The following FBXW11 variants were observed in gnomAD, a reference collection of about 807,000 sequenced individuals.
FBXW11 encodes F-box and WD repeat domain containing 11.
In FBXW11, 19 loss-of-function variants were observed where a neutral mutation model predicts 77.6. The observed-to-expected ratio is 0.24, with a 90% CI of 0.17 to 0.36. The LOEUF (loss-of-function observed/expected upper bound fraction) is 0.36. Among genes scored for constraint, FBXW11 ranks in the 10% least tolerant of loss-of-function variants. The probability of loss-of-function intolerance (pLI) is 1.00; values close to 1 mark genes in which losing one functional copy is unlikely to be tolerated. For synonymous variants in FBXW11, 235 were observed against 249.4 expected, an observed-to-expected ratio of 0.94 and a Z score of 0.54; for missense variants, 334 against 704.2, an observed-to-expected ratio of 0.47 and a Z score of 5.95.
rs576600848 is a variant in FBXW11, at chr5:171,965,967, G to A, written c.46-8269C>T. Among the ~76,000 whole-genome samples, 5 of 152,176 alleles carry A rather than the reference G, an allele frequency of 3.3e-5. No individual in the cohort carries two copies. The East Asian group carries it at 9.7e-4, about 29-fold the overall frequency. ...GAATCTCATTGTTTGAACATGTGTGGAACTTCCCCCTTCTCACCCTCTCTC... is the reference window on the plus strand; with the variant it reads ...GAATCTCATTGTTTGAACATGTGTGAAACTTCCCCCTTCTCACCCTCTCTC... On this transcript the variant is annotated intron_variant, in intron 1 of 13. Coordinates refer to ENST00000517395, the MANE Select transcript of FBXW11 (RefSeq NM_001378974.1).
intron 1 of FBXW11, among the ~76,000 whole-genome samples, chr5:172,002,342 A>C (rs779525709): frequency 1.3e-5 from 2 of 152,076 alleles, no homozygotes; most frequent in African/African-American, 4.8e-5. Flanking sequence ...CTGCAAAATC[A>C]GGGGCAAAAA....
rs1221438935 is a variant in FBXW11 at position 171,869,477 on chromosome 5, A to T, written c.1530+252T>A. ...GAAATATTGCTTGCCCTATGAGGAAACCAGTCCACCTACAAATCAGGAAGC... is the reference window on the plus strand; with the variant it reads ...GAAATATTGCTTGCCCTATGAGGAATCCAGTCCACCTACAAATCAGGAAGC... On this transcript the variant is annotated intron_variant, in intron 12 of 13. Transcript: ENST00000517395. The surrounding 1 kb of genome is among the most constrained non-coding windows in gnomAD (Gnocchi z 4.1). Among the ~76,000 whole-genome samples, 1 of 152,230 alleles carries T rather than the reference A, an allele frequency of 6.6e-6. No individual in the cohort carries two copies. Among genetic ancestry groups the T allele is most frequent in the Non-Finnish European group, 1.5e-5 (1 of 68,028 alleles).
intron 3 of FBXW11, among the ~76,000 whole-genome samples, chr5:171,912,379 T>G (rs151307223): frequency 6.6e-6 from 1 of 152,294 alleles, no homozygotes; most frequent in African/African-American, 2.4e-5. Context: ...ACTAAGACAT[T>G]TGAGTCTTAA....
intron 13 of FBXW11, chr5:171,867,639 T>G (rs1224419181): frequency 6.6e-6 from 1 of 152,162 alleles, no homozygotes; most frequent in Non-Finnish European, 1.5e-5. Context: ...GGTAACTTAG[T>G]GAATAGGTAC....
chr5:171,873,870 T>C (rs1381851985), intron 9 of FBXW11, among the ~76,000 whole-genome samples: 1 of 152,180 alleles, frequency 6.6e-6, no homozygotes, highest in Non-Finnish European at 1.5e-5. Flanking sequence ...ACCAGCTGCA[T>C]TTGTAGCTGA....
At chr5:171,986,979 CAG>C (rs777547783) in intron 1 of FBXW11, among the ~76,000 whole-genome samples, 16 of 152,188 alleles carry the variant, frequency 1.1e-4, no homozygotes, top group Non-Finnish European at 2.2e-4. Context: ...TGCCTCCTGT[CAG>C]ATGATCAGCC....
intron 9 of FBXW11, among the ~76,000 whole-genome samples, chr5:171,874,371 G>A (rs1281252846): frequency 6.6e-6 from 1 of 152,184 alleles, no homozygotes; most frequent in Admixed American, 6.5e-5. Flanking sequence ...GGAAGTGTTG[G>A]CAAGGATATG....
intron 2 of FBXW11, among the ~76,000 whole-genome samples, chr5:171,951,621 G>C (rs903912801): frequency 6.6e-6 from 1 of 152,052 alleles, no homozygotes; most frequent in East Asian, 1.9e-4. Context: ...CTCCCGAGTA[G>C]CTGAGATTAC....
At chr5:171,870,388 AACACAC>A (rs10555447) in intron 11 of FBXW11, among the ~76,000 whole-genome samples, 5 of 150,492 alleles carry the variant, frequency 3.3e-5, no homozygotes, top group Admixed American at 6.6e-5. Context: ...TTGTTGAACG[AACACAC>A]ACACACACAC....
intron 2 of FBXW11, among the ~76,000 whole-genome samples, chr5:171,938,120 C>T (rs1298542340): frequency 2.0e-5 from 3 of 152,218 alleles, no homozygotes; most frequent in South Asian, 4.1e-4. Context: ...TGCAGTGGCA[C>T]GATCATAGCT....
Position 171,864,016 on chromosome 5 carries a change from C to G in FBXW11, c.*111G>C, listed in dbSNP as rs1757232617. On this transcript the variant is annotated 3_prime_UTR_variant, in exon 14 of 14. Transcript: ENST00000517395. ...CTTTGCATCTACCCAGCGTCTAGAA[C>G]CAATTCCAGCTTCATAACTCAGCTG... The G allele has an allele frequency of 6.6e-6, 1 of 152,114 alleles. No individual in the cohort carries two copies. Among genetic ancestry groups the G allele is most frequent in the East Asian group, 1.9e-4 (1 of 5,184 alleles). The allele number at this position is 152,114 out of a possible 1,614,324, so 9.4% of individuals were successfully genotyped here. A position where few individuals can be genotyped will look rare whatever the true frequency, so the allele number is the denominator to read the frequency against.
chr5:171,918,621 A>C (rs1761403916), intron 2 of FBXW11, among the ~76,000 whole-genome samples: 1 of 152,226 alleles, frequency 6.6e-6, no homozygotes, highest in African/African-American at 2.4e-5. Flanking sequence ...ACACGTAAAT[A>C]GATTACAATG....
At position 171,954,465 on chromosome 5, in the gene FBXW11, T is replaced by A. The variant is rs542276711; in HGVS notation, c.147+3132A>T. Among the ~76,000 whole-genome samples, 3 of 152,316 alleles carry A rather than the reference T, an allele frequency of 2.0e-5. No homozygotes were observed. In the South Asian group the frequency reaches 6.2e-4, roughly 32 times the overall value. On this transcript the variant is annotated intron_variant, in intron 2 of 13. Coordinates refer to ENST00000517395, the MANE Select transcript of FBXW11 (RefSeq NM_001378974.1). ...AACGTGGAAAATAAATGATACATACTATTATTAACATTGGTATGATTCTCA... is the reference window on the plus strand; with the variant it reads ...AACGTGGAAAATAAATGATACATACAATTATTAACATTGGTATGATTCTCA...
At chr5:171,884,398 T>C (rs2113812809) in intron 7 of FBXW11, among the ~76,000 whole-genome samples, 1 of 152,350 alleles carries the variant, frequency 6.6e-6, no homozygotes, top group African/African-American at 2.4e-5. Flanking sequence ...CATTGGTCTA[T>C]ATCCCTATTT....
intron 7 of FBXW11, among the ~76,000 whole-genome samples, chr5:171,878,553 A>AGTGTGT (rs34933781): frequency 0.027 from 2,835 of 105,260 alleles, 112 homozygotes; most frequent in African/African-American, 0.09. Flanking sequence ...TCTCCATAAG[A>AGTGTGT]GTGTGTGAGT....
chr5:171,914,408 AG>A lies in FBXW11; in HGVS notation c.148-4del, dbSNP rs764398689. 6.9e-5 allele frequency: 109 copies of A among 1,578,460 alleles called. No individual in the cohort carries two copies. The highest frequency in any genetic ancestry group is 3.3e-4 in the Middle Eastern group (2 of 6,006). ...TGATCTTCCATAACTGAAGTGTTCT[AG>A]GGGGGGAAAAACAGGTTATTTGAAT... On this transcript the variant is annotated splice_region_variant and splice_polypyrimidine_tract_variant and intron_variant, in intron 2 of 13. Coordinates refer to ENST00000517395, the MANE Select transcript of FBXW11 (RefSeq NM_001378974.1).
intron 1 of FBXW11, among the ~76,000 whole-genome samples, chr5:171,958,736 C>A (rs1183377016): frequency 6.6e-6 from 1 of 152,198 alleles, no homozygotes; most frequent in Non-Finnish European, 1.5e-5. Context: ...ACTGTTCAAT[C>A]ATTCAGATAT....
intron 2 of FBXW11, among the ~76,000 whole-genome samples, chr5:171,931,860 CCTCTCTCTCTCTCTCT>C (rs149065535): frequency 3.2e-4 from 2 of 6,258 alleles, no homozygotes; most frequent in African/African-American, 6.8e-4. Context: ...TCCCTCCCTC[CCTCTCTCTCTCTCTCT>C]CTCTCTCTCT....
At chr5:171,993,578 A>G (rs949263773) in intron 1 of FBXW11, among the ~76,000 whole-genome samples, 5 of 152,126 alleles carry the variant, frequency 3.3e-5, no homozygotes, top group Admixed American at 2.6e-4. Context: ...GCGCCACTGC[A>G]CTCCAGCCTG....
Sources: allele counts gnomAD v4.1 joint callset (sites outside exome capture counted in the v4.1 genomes callset), GRCh38; gene constraint gnomAD v4.1.1; non-coding constraint Gnocchi (gnomAD v3.1); transcripts MANE v1.5; gene names NCBI Gene and HGNC (gene_info 2026-07-23, HGNC 2026-07-21).